LRIG1: variants seen among roughly 807,000 people sequenced by gnomAD.
LRIG1 encodes the protein leucine-rich repeats and immunoglobulin-like domains protein 1.
LRIG1 carries 48 observed loss-of-function variants against 99.2 expected under a neutral mutation model. The observed-to-expected ratio is 0.48, with a 90% CI of 0.38 to 0.62. LRIG1 has a LOEUF of 0.62. Among genes scored for constraint, LRIG1 ranks in the 20% least tolerant of loss-of-function variants. LRIG1 has a pLI of 0.00. For synonymous variants in LRIG1, 772 were observed against 596.1 expected (o/e 1.29, Z -4.30); for missense variants, 1,646 against 1,434.4 (o/e 1.15, Z -2.38).
chr3:66,398,519 C>T (rs1701939323), intron 10 of LRIG1, among the ~76,000 whole-genome samples: 3 of 152,204 alleles, frequency 2.0e-5, no homozygotes, highest in Non-Finnish European at 4.4e-5. Flanking sequence ...ATGACTGTCT[C>T]GGGTGGCTCT....
intron 1 of LRIG1, among the ~76,000 whole-genome samples, chr3:66,472,424 T>C (rs1700623521): frequency 6.6e-6 from 1 of 151,860 alleles, no homozygotes; most frequent in Non-Finnish European, 1.5e-5. Context: ...TGCGTAAACT[T>C]TGGCACAGTC....
At chr3:66,411,682 T>C (rs914643128) in intron 6 of LRIG1, among the ~76,000 whole-genome samples, 3 of 152,140 alleles carry the variant, frequency 2.0e-5, no homozygotes, top group African/African-American at 7.2e-5. Context: ...TCGTTTCCAC[T>C]GCCAAGAAAA....
At chr3:66,381,672 G>A (rs1025623103) in intron 16 of LRIG1, 41 bp from the exon 17 acceptor site, 2 of 1,595,366 alleles carry the variant, frequency 1.3e-6, no homozygotes, top group African/African-American at 2.7e-5. Flanking sequence ...TCTGGGCTTG[G>A]TATTTCACAG....
intron 4 of LRIG1, 62 bp from the exon 5 acceptor site, chr3:66,415,125 G>C: frequency 6.6e-7 from 1 of 1,519,478 alleles, no homozygotes; most frequent in Non-Finnish European, 8.9e-7. Context: ...TTTCATTATA[G>C]ACACCAGACC....
chr3:66,397,053 CCT>C (rs1701877198), intron 11 of LRIG1, among the ~76,000 whole-genome samples: 1 of 152,348 alleles, frequency 6.6e-6, no homozygotes, highest in African/African-American at 2.4e-5. Context: ...TCTGCAGAGC[CCT>C]GAGCTCCATG....
At chr3:66,411,749 C>T (rs754240374) in intron 6 of LRIG1, among the ~76,000 whole-genome samples, 5 of 152,066 alleles carry the variant, frequency 3.3e-5, no homozygotes, top group South Asian at 2.1e-4. Flanking sequence ...GAAGAAGGGG[C>T]GGACATGAGC....
chr3:66,418,095 TTTTG>T (rs1264335416), intron 3 of LRIG1, among the ~76,000 whole-genome samples: 3 of 146,900 alleles, frequency 2.0e-5, no homozygotes, highest in Admixed American at 7.0e-5. Flanking sequence ...TTTGTTTTGT[TTTTG>T]TTTTTGTTTT....
intron 1 of LRIG1, among the ~76,000 whole-genome samples, chr3:66,467,681 T>C (rs896904551): frequency 4.6e-5 from 7 of 152,234 alleles, no homozygotes; most frequent in Admixed American, 4.6e-4. Context: ...ATATTTCAAG[T>C]GTTCAACAGT....
chr3:66,466,493 A>AT (rs1161264561), intron 1 of LRIG1, among the ~76,000 whole-genome samples: 1 of 152,078 alleles, frequency 6.6e-6, no homozygotes, highest in Admixed American at 6.5e-5. Flanking sequence ...TTTTTTCCAA[A>AT]TTTTTAAAAT....
intron 1 of LRIG1, among the ~76,000 whole-genome samples, chr3:66,473,388 C>T (rs974209340): frequency 1.3e-5 from 2 of 152,186 alleles, no homozygotes; most frequent in Admixed American, 6.5e-5. Context: ...AACTTACACA[C>T]GTCCTTTATT....
Position 66,380,110 on chromosome 3 carries a change from G to T in LRIG1, c.*153C>A. The T allele has an allele frequency of 1.6e-6, 1 of 610,034 alleles. No individual in the cohort carries two copies. The highest frequency in any genetic ancestry group is 2.8e-5 in the East Asian group (1 of 35,772). The allele number at this position is 610,034 out of a possible 1,614,324, so 37.8% of individuals were successfully genotyped here. A position where few individuals can be genotyped will look rare whatever the true frequency, so the allele number is the denominator to read the frequency against. ...ACAAATCCCCTCTTGCGTTTACTGTGCTTCAGATCCAAGTCCTGTGAGCGA... is the reference window on the plus strand; with the variant it reads ...ACAAATCCCCTCTTGCGTTTACTGTTCTTCAGATCCAAGTCCTGTGAGCGA... On this transcript the variant is annotated 3_prime_UTR_variant, in exon 19 of 19. Coordinates refer to ENST00000273261, the MANE Select transcript of LRIG1 (RefSeq NM_015541.3).
At chr3:66,466,602 G>T (rs942851944) in intron 1 of LRIG1, among the ~76,000 whole-genome samples, 1 of 152,154 alleles carries the variant, frequency 6.6e-6, no homozygotes, top group Admixed American at 6.5e-5. Flanking sequence ...AGCAAGCAGC[G>T]TGAATTCCCA....
At chr3:66,435,955 G>A (rs916975618) in intron 3 of LRIG1, among the ~76,000 whole-genome samples, 4 of 152,186 alleles carry the variant, frequency 2.6e-5, no homozygotes, top group African/African-American at 7.2e-5. Flanking sequence ...CTTCAAACCA[G>A]CAGAAACTTA....
chr3:66,494,617 T>C (rs1701186944), intron 1 of LRIG1, among the ~76,000 whole-genome samples: 1 of 152,194 alleles, frequency 6.6e-6, no homozygotes, highest in South Asian at 2.1e-4. Context: ...AGACTATGCA[T>C]AAAGTACTTA....
At chr3:66,429,560 C>T (rs1703088097) in intron 3 of LRIG1, among the ~76,000 whole-genome samples, 1 of 152,114 alleles carries the variant, frequency 6.6e-6, no homozygotes, top group Non-Finnish European at 1.5e-5. Context: ...CTGCCAGAGG[C>T]TGGGTAGAGA....
rs376656062 is a variant in LRIG1, at chr3:66,380,504, C to T, written c.3056-15G>A. 19 of 1,613,976 alleles carry T rather than the reference C, an allele frequency of 1.2e-5. No individual in the cohort carries two copies. Among genetic ancestry groups the T allele is most frequent in the East Asian group, 4.5e-5 (2 of 44,904 alleles). Reference sequence around the variant, plus strand: ...GGAAGAATCCCCTACAAGGAAAGAACGAACCTGTCAGACCCCCACTTGACC... The same window carrying T: ...GGAAGAATCCCCTACAAGGAAAGAATGAACCTGTCAGACCCCCACTTGACC... On this transcript the variant is annotated splice_polypyrimidine_tract_variant and intron_variant, in intron 18 of 18. Coordinates refer to ENST00000273261, the MANE Select transcript of LRIG1 (RefSeq NM_015541.3).
chr3:66,442,237 C>G (rs753161933), intron 3 of LRIG1, among the ~76,000 whole-genome samples: 1 of 152,158 alleles, frequency 6.6e-6, no homozygotes, highest in Non-Finnish European at 1.5e-5. Context: ...GAAGGAAAGG[C>G]CCGGCATAAA....
chr3:66,417,894 C>T (rs533773141), intron 3 of LRIG1, among the ~76,000 whole-genome samples: 1 of 152,120 alleles, frequency 6.6e-6, no homozygotes, highest in South Asian at 2.1e-4. Context: ...CTGAACCTCC[C>T]GACTCTACCA....
At chr3:66,451,324 C>A (rs930956181) in intron 3 of LRIG1, among the ~76,000 whole-genome samples, 24 of 150,230 alleles carry the variant, frequency 1.6e-4, no homozygotes, top group Admixed American at 1.6e-3. Flanking sequence ...AAAAAAAAGA[C>A]AAAAGACCTA....
Sources: allele counts gnomAD v4.1 joint callset (sites outside exome capture counted in the v4.1 genomes callset), GRCh38; gene constraint gnomAD v4.1.1; transcripts MANE v1.5; gene names NCBI Gene and HGNC (gene_info 2026-07-23, HGNC 2026-07-21).